The following WDR41 variants were observed in gnomAD, a reference collection of about 807,000 sequenced individuals.
The protein encoded by WDR41 is WD repeat domain 41.
A neutral mutation model predicts 69.3 loss-of-function variants in WDR41; 63 were observed. The ratio of observed to expected loss-of-function variants is 0.91; its 90% CI spans 0.74 to 1.12. The LOEUF (loss-of-function observed/expected upper bound fraction) is 1.12, where lower values mean the gene tolerates loss of function less well. WDR41 is among the 50% of genes most tolerant of loss of function. WDR41 has a pLI of 0.00. For missense variants in WDR41, 543 were observed against 534.5 expected, an observed-to-expected ratio of 1.02 and a Z score of -0.16; for synonymous variants, 185 against 192.1, an observed-to-expected ratio of 0.96 and a Z score of 0.31.
At chr5:77,460,539 A>T (rs2151319448) in intron 4 of WDR41, among the ~76,000 whole-genome samples, 1 of 152,238 alleles carries the variant, frequency 6.6e-6, no homozygotes, top group South Asian at 2.1e-4. Context: ...TTAATTAAGG[A>T]AGTTAGTTTT....
intron 1 of WDR41, among the ~76,000 whole-genome samples, chr5:77,571,239 A>T (rs1328988633): frequency 6.6e-6 from 1 of 152,110 alleles, no homozygotes; most frequent in Non-Finnish European, 1.5e-5. Context: ...AGCTGAGAAA[A>T]CTACAGTATT....
chr5:77,604,457 G>C (rs890412648), intron 1 of WDR41, among the ~76,000 whole-genome samples: 2 of 152,098 alleles, frequency 1.3e-5, no homozygotes, highest in African/African-American at 4.8e-5. Flanking sequence ...GTCTTTCAAG[G>C]CTCAATCTTT....
intron 1 of WDR41, among the ~76,000 whole-genome samples, chr5:77,509,643 G>A (rs987363955): frequency 1.3e-4 from 20 of 152,268 alleles, no homozygotes; most frequent in African/African-American, 4.6e-4. Flanking sequence ...CCAGAATAGG[G>A]AATCTATAGA....
At chr5:77,464,948 T>C in intron 2 of WDR41, 139 bp from the exon 3 acceptor site, 1 of 814,338 alleles carries the variant, frequency 1.2e-6, no homozygotes, top group Non-Finnish European at 2.0e-6. Flanking sequence ...TTAAAAAATA[T>C]TTATGAAACA....
rs1561201955 is a variant in WDR41, at chr5:77,489,580, TG to T, written c.52-9del. The T allele has an allele frequency of 9.5e-6, 13 of 1,368,108 alleles. No homozygotes were observed. Among genetic ancestry groups the T allele is most frequent in the South Asian group, 2.7e-5 (2 of 73,684 alleles). 84.7% of individuals were successfully genotyped at this position (1,368,108 alleles called of 1,614,324 possible). ...TGTCTGTAAAGGAGATTTCTTGTAT[TG>T]AAAAAAAAAAAAAAGCAAAAAACAA... On this transcript the variant is annotated splice_polypyrimidine_tract_variant and intron_variant, in intron 1 of 12. Coordinates refer to ENST00000296679, the MANE Select transcript of WDR41 (RefSeq NM_018268.4).
At chr5:77,547,798 G>A (rs897943194) in intron 1 of WDR41, among the ~76,000 whole-genome samples, 1 of 152,030 alleles carries the variant, frequency 6.6e-6, no homozygotes, top group Admixed American at 6.6e-5. Flanking sequence ...AATTCATATG[G>A]AACCAAAAGA....
chr5:77,448,918 C>CT (rs1799512366), intron 8 of WDR41, among the ~76,000 whole-genome samples: 2 of 151,624 alleles, frequency 1.3e-5, no homozygotes, highest in Admixed American at 6.6e-5. Flanking sequence ...AAAGCCAAGC[C>CT]AGGCCTCAGG....
At chr5:77,598,255 A>C (rs1384132321) in intron 1 of WDR41, among the ~76,000 whole-genome samples, 1 of 152,198 alleles carries the variant, frequency 6.6e-6, no homozygotes, top group Non-Finnish European at 1.5e-5. Context: ...ATCAGTCCAT[A>C]TGCTTTGGAT....
chr5:77,593,503 T>C (rs1454023252), intron 1 of WDR41, among the ~76,000 whole-genome samples: 1 of 152,148 alleles, frequency 6.6e-6, no homozygotes, highest in Non-Finnish European at 1.5e-5. Flanking sequence ...TAATGGAATA[T>C]GATACAGTCA....
chr5:77,567,428 G>A (rs1013188414), intron 1 of WDR41, among the ~76,000 whole-genome samples: 3 of 152,004 alleles, frequency 2.0e-5, no homozygotes, highest in African/African-American at 7.2e-5. Flanking sequence ...ACTACTGCCT[G>A]TACATTTGCA....
At chr5:77,580,957 A>G (rs1490377393) in intron 1 of WDR41, among the ~76,000 whole-genome samples, 5 of 151,848 alleles carry the variant, frequency 3.3e-5, no homozygotes, top group African/African-American at 1.2e-4. Flanking sequence ...CTCCGTCTCA[A>G]AAATAAATAA....
intron 1 of WDR41, among the ~76,000 whole-genome samples, chr5:77,552,102 A>T (rs1743311817): frequency 6.6e-6 from 1 of 150,902 alleles, no homozygotes; most frequent in Admixed American, 6.6e-5. Flanking sequence ...ATGAGAAAAA[A>T]AATGCAATTG....
intron 1 of WDR41, among the ~76,000 whole-genome samples, chr5:77,615,925 A>T (rs182137753): frequency 8.0e-4 from 121 of 152,100 alleles, no homozygotes; most frequent in African/African-American, 2.9e-3. Flanking sequence ...CCCAGGAGGC[A>T]GAGGTTGCAG....
chr5:77,614,799 A>C (rs1744645826), intron 1 of WDR41, among the ~76,000 whole-genome samples: 2 of 146,194 alleles, frequency 1.4e-5, no homozygotes, highest in South Asian at 4.4e-4. Flanking sequence ...AAAGTATAAT[A>C]ATAATAAAAT....
At position 77,501,441 on chromosome 5, in the gene WDR41, G is replaced by A. The variant is rs190525847; in HGVS notation, c.43-11869C>T. On this transcript the variant is annotated intron_variant, in intron 1 of 5. Transcript: ENST00000509971. ...CTGCCTCTATAGACTCCACCTCTGC[G>A]GGCAGGGCATAGCTGAACAAAAGTC... Among the ~76,000 whole-genome samples, 113 of 152,358 alleles carry A rather than the reference G, an allele frequency of 7.4e-4. 1 individual carries two copies. The highest frequency in any genetic ancestry group is 2.5e-3 in the African/African-American group (105 of 41,592).
chr5:77,515,630 T>C (rs762613903), intron 1 of WDR41, among the ~76,000 whole-genome samples: 2 of 152,214 alleles, frequency 1.3e-5, no homozygotes, highest in Non-Finnish European at 2.9e-5. Flanking sequence ...ATGACTGCTT[T>C]GTTTACACCA....
chr5:77,537,804 C>A (rs572346466), intron 1 of WDR41, among the ~76,000 whole-genome samples: 2 of 152,246 alleles, frequency 1.3e-5, no homozygotes, highest in African/African-American at 4.8e-5. Flanking sequence ...CTGCTTCCAG[C>A]ATGCCTGGTA....
rs1411344390 is a variant in WDR41 at position 77,597,390 on chromosome 5, T to C, written c.42+23089A>G. ...CATTTAGCTTTCCTTACAGTTTGAC[T>C]GATTTTAGATAGTTTCTTTATTTAG... is the stretch of plus-strand genomic sequence containing the variant. On this transcript the variant is annotated intron_variant, in intron 1 of 5. Transcript: ENST00000509971. 2.6e-5 allele frequency among the ~76,000 whole-genome samples: 4 copies of C among 152,360 alleles called. No homozygotes were observed. The East Asian group carries it at 7.7e-4, about 29-fold the overall frequency.
intron 1 of WDR41, among the ~76,000 whole-genome samples, chr5:77,572,813 G>A (rs1188132047): frequency 6.6e-6 from 1 of 152,146 alleles, no homozygotes; most frequent in Non-Finnish European, 1.5e-5. Flanking sequence ...GTTATGGATT[G>A]AGTTTTTCAG....
Sources: allele counts gnomAD v4.1 joint callset (sites outside exome capture counted in the v4.1 genomes callset), GRCh38; gene constraint gnomAD v4.1.1; transcripts MANE v1.5; gene names NCBI Gene and HGNC (gene_info 2026-07-23, HGNC 2026-07-21).